Variants in EXOC6B observed in about 807,000 individuals in gnomAD.
EXOC6B encodes SEC15 homolog B.
Under a neutral mutation model 113.5 loss-of-function variants are expected in EXOC6B, and 54 were observed. The ratio of observed to expected loss-of-function variants is 0.48; its 90% CI spans 0.38 to 0.60. EXOC6B has a LOEUF of 0.60. Ranked by LOEUF, EXOC6B falls within the 20% of genes least tolerant of loss-of-function variation. EXOC6B has a pLI of 0.00. For synonymous variants in EXOC6B, 357 were observed against 339.0 expected (o/e 1.05, Z -0.58); for missense variants, 797 against 977.5 (o/e 0.82, Z 2.46).
intron 19 of EXOC6B, among the ~76,000 whole-genome samples, chr2:72,375,411 T>A (rs1044554865): frequency 2.6e-5 from 4 of 152,118 alleles, no homozygotes. Flanking sequence ...TACTGGGTCA[T>A]AAAACAAGTC....
At chr2:72,536,779 C>T (rs549449476) in intron 8 of EXOC6B, among the ~76,000 whole-genome samples, 1 of 152,316 alleles carries the variant, frequency 6.6e-6, no homozygotes, top group East Asian at 1.9e-4. Context: ...TACACCACAG[C>T]AACTTTGGAT....
chr2:72,323,088 C>T (rs1375981143), intron 20 of EXOC6B, among the ~76,000 whole-genome samples: 1 of 151,958 alleles, frequency 6.6e-6, no homozygotes, highest in African/African-American at 2.4e-5. Flanking sequence ...TGCAATCTAT[C>T]CCTGACAAAG....
At chr2:72,759,316 C>T (rs1047882758) in intron 1 of EXOC6B, among the ~76,000 whole-genome samples, 7 of 152,074 alleles carry the variant, frequency 4.6e-5, no homozygotes, top group Non-Finnish European at 1.0e-4. Context: ...AAAAATAAGG[C>T]CCATCTCCTT....
chr2:72,491,465 C>T (rs193121484), intron 16 of EXOC6B, among the ~76,000 whole-genome samples: 49 of 152,220 alleles, frequency 3.2e-4, no homozygotes, highest in Middle Eastern at 3.4e-3. Flanking sequence ...GAGTAACAGA[C>T]TTCCAAACTG....
intron 8 of EXOC6B, among the ~76,000 whole-genome samples, chr2:72,535,959 A>T (rs1702267527): frequency 6.6e-6 from 1 of 152,176 alleles, no homozygotes; most frequent in African/African-American, 2.4e-5. Context: ...GTAGTGTTAT[A>T]GGAAAATCCC....
In EXOC6B at chr2:72,559,499, A is replaced by C. The variant is rs1230237010; in HGVS notation, c.869T>G (p.Val290Gly). 6.2e-7 allele frequency: 1 copy of C among 1,612,988 alleles called. No individual in the cohort carries two copies. Among genetic ancestry groups the C allele is most frequent in the Non-Finnish European group, 8.5e-7 (1 of 1,179,588 alleles). Residue 290 changes from valine (V) to glycine (G), a missense_variant, in exon 8 of 22, where the codon GTG becomes GGG. Transcript: ENST00000272427. ...ACATCGATAAACTGGAGAGAAATCC[A>C]CCAAATCTTGGGCCCCAGGTACCTG... Reference protein sequence around the residue: ...DEEVPGAQDLVDFSPVYRCLH... With the variant: ...DEEVPGAQDLGDFSPVYRCLH...
chr2:72,337,222 T>C (rs1220046506), intron 19 of EXOC6B, among the ~76,000 whole-genome samples: 1 of 152,176 alleles, frequency 6.6e-6, no homozygotes, highest in East Asian at 1.9e-4. Context: ...GCTATTCTTT[T>C]TGACTACTTG....
At chr2:72,210,870 T>C (rs1680144539) in intron 20 of EXOC6B, among the ~76,000 whole-genome samples, 1 of 152,218 alleles carries the variant, frequency 6.6e-6, no homozygotes, top group Admixed American at 6.5e-5. Context: ...CTGTGGACTC[T>C]TGGATATTAT....
intron 1 of EXOC6B, among the ~76,000 whole-genome samples, chr2:72,812,950 TA>T (rs918304862): frequency 3.3e-5 from 5 of 151,790 alleles, no homozygotes; most frequent in Non-Finnish European, 7.4e-5. Flanking sequence ...TTTAAGAGGG[TA>T]AAAAAACAAG....
At chr2:72,451,654 CTGTGTGTGTGTG>C (rs141514102) in intron 18 of EXOC6B, among the ~76,000 whole-genome samples, 14 of 142,590 alleles carry the variant, frequency 9.8e-5, no homozygotes, top group African/African-American at 1.8e-4. Context: ...GTCTTTGTGC[CTGTGTGTGTGTG>C]TGTGTGTGTG....
At chr2:72,805,441 T>A (rs1311962167) in intron 1 of EXOC6B, among the ~76,000 whole-genome samples, 1 of 152,208 alleles carries the variant, frequency 6.6e-6, no homozygotes, top group Non-Finnish European at 1.5e-5. Flanking sequence ...TAAAAGAGGC[T>A]ACTTTCTTTT....
chr2:72,220,271 G>T (rs1368763297), intron 20 of EXOC6B, among the ~76,000 whole-genome samples: 1 of 152,076 alleles, frequency 6.6e-6, no homozygotes, highest in Non-Finnish European at 1.5e-5. Flanking sequence ...TTGCTTCTAG[G>T]TGCTGGCCCT....
At chr2:72,261,813 A>G (rs1270773338) in intron 20 of EXOC6B, among the ~76,000 whole-genome samples, 1 of 152,186 alleles carries the variant, frequency 6.6e-6, no homozygotes, top group African/African-American at 2.4e-5. Context: ...AAGGTTTCTC[A>G]GCCTCTTGCC....
At chr2:72,554,571 C>G (rs947394935) in intron 8 of EXOC6B, among the ~76,000 whole-genome samples, 2 of 152,062 alleles carry the variant, frequency 1.3e-5, no homozygotes, top group Non-Finnish European at 2.9e-5. Context: ...TGCCTGCTTC[C>G]CCTTCACCTT....
chr2:72,638,899 T>G (rs951894632), intron 6 of EXOC6B, among the ~76,000 whole-genome samples: 2 of 152,170 alleles, frequency 1.3e-5, no homozygotes, highest in Non-Finnish European at 2.9e-5. Context: ...CAGACCAACA[T>G]GAGCACCCCT....
intron 8 of EXOC6B, among the ~76,000 whole-genome samples, chr2:72,523,528 C>T (rs559673531): frequency 6.6e-6 from 1 of 152,232 alleles, no homozygotes; most frequent in African/African-American, 2.4e-5. Context: ...CCTGTAATCC[C>T]AGCACTTTGG....
At chr2:72,549,605 A>G (rs1703099293) in intron 8 of EXOC6B, among the ~76,000 whole-genome samples, 1 of 152,182 alleles carries the variant, frequency 6.6e-6, no homozygotes, top group Non-Finnish European at 1.5e-5. Context: ...ACAGGGAGAT[A>G]CAGAGTTTAT....
intron 20 of EXOC6B, among the ~76,000 whole-genome samples, chr2:72,215,213 G>A (rs1380107206): frequency 1.3e-5 from 2 of 152,144 alleles, no homozygotes; most frequent in Non-Finnish European, 2.9e-5. Flanking sequence ...ATCCAAATCA[G>A]TAAGTCTTAC....
intron 20 of EXOC6B, among the ~76,000 whole-genome samples, chr2:72,215,199 G>C (rs1194683892): frequency 2.6e-5 from 4 of 152,128 alleles, no homozygotes; most frequent in Non-Finnish European, 4.4e-5. Flanking sequence ...AAGAAGGGAT[G>C]GATATCCAAA....
Sources: gnomAD v4.1 joint callset for allele counts (sites outside exome capture counted in the v4.1 genomes callset) on GRCh38, gnomAD v4.1.1 for gene constraint, MANE v1.5 for transcripts, NCBI Gene and HGNC (gene_info 2026-07-23, HGNC 2026-07-21) for gene names.